DMD: variants seen among roughly 807,000 people sequenced by gnomAD.
DMD encodes dystrophin.
In DMD, 63 loss-of-function variants were observed where a neutral mutation model predicts 330.1. That is an observed-to-expected ratio of 0.19 (90% CI 0.16 to 0.24). The LOEUF (loss-of-function observed/expected upper bound fraction) is 0.24. Ranked by LOEUF, DMD falls within the 10% of genes least tolerant of loss-of-function variation. The pLI is 1.00. For missense variants in DMD, 3,344 were observed against 2,684.1 expected (o/e 1.25, Z -5.43); for synonymous variants, 1,223 against 959.8 (o/e 1.27, Z -5.07).
At chrX:31,624,883 A>C (rs1281025820) in intron 55 of DMD, among the ~76,000 whole-genome samples, 1 of 112,246 alleles carries the variant, frequency 8.9e-6, no homozygotes, top group Non-Finnish European at 1.9e-5. Context: ...AAACACTTCC[A>C]TTTAGCTGAA....
At chrX:31,278,454 G>A (rs1439694969) in intron 62 of DMD, among the ~76,000 whole-genome samples, 1 of 111,194 alleles carries the variant, frequency 9.0e-6, no homozygotes, top group Admixed American at 9.6e-5. Context: ...GATGCTGCAG[G>A]GGCTGAGAAT....
At chrX:33,053,143 TTTAA>T in intron 1 of DMD, among the ~76,000 whole-genome samples, 1 of 111,839 alleles carries the variant, frequency 8.9e-6, no homozygotes, top group East Asian at 2.8e-4. Flanking sequence ...TAATTACTCA[TTTAA>T]TTACTCACGT....
chrX:31,786,939 T>C (rs6527118), intron 50 of DMD, among the ~76,000 whole-genome samples: 2 of 111,898 alleles, frequency 1.8e-5, no homozygotes, highest in South Asian at 3.7e-4. Flanking sequence ...ACTTTCTGTG[T>C]GCAACTTTTT....
intron 44 of DMD, among the ~76,000 whole-genome samples, chrX:32,078,543 A>G (rs1329640201): frequency 3.6e-5 from 4 of 112,312 alleles, no homozygotes; most frequent in African/African-American, 1.3e-4. Flanking sequence ...GCCATTGCCT[A>G]CTTCTCCAAC....
chrX:33,230,012 G>T (rs1386527967), intron 1 of DMD, among the ~76,000 whole-genome samples: 5 of 111,984 alleles, frequency 4.5e-5, no homozygotes, highest in African/African-American at 1.6e-4. Flanking sequence ...ATGTGCTATT[G>T]TCTGCTATGC....
intron 50 of DMD, among the ~76,000 whole-genome samples, chrX:31,801,097 C>T (rs1249749907): frequency 9.0e-6 from 1 of 111,467 alleles, no homozygotes; most frequent in Non-Finnish European, 1.9e-5. Context: ...TGTATTAGTC[C>T]GTTCTCATGC....
rs554644862 is a variant in DMD, at chrX:32,390,247, G to A, written c.4234-66C>T. ...AGAACAACTAACTTTCCAAGAAGAC[G>A]AAATTCAGAAACTCTCCTCAACCAC... On this transcript the variant is annotated intron_variant, in intron 30 of 78. Coordinates refer to ENST00000357033, the MANE Select transcript of DMD (RefSeq NM_004006.3). The A allele has an allele frequency of 3.2e-5, 27 of 831,265 alleles. No homozygotes were observed. In the African/African-American group the frequency reaches 4.2e-4, roughly 13 times the overall value. The allele number at this position is 831,265 out of a possible 1,213,427, so 68.5% of individuals were successfully genotyped here. A position where few individuals can be genotyped will look rare whatever the true frequency, so the allele number is the denominator to read the frequency against.
At chrX:32,787,572 T>C (rs1052254140) in intron 7 of DMD, among the ~76,000 whole-genome samples, 1 of 111,217 alleles carries the variant, frequency 9.0e-6, no homozygotes, top group African/African-American at 3.3e-5. Flanking sequence ...CCCATACATA[T>C]ACATACCTAT....
At chrX:31,756,046 G>C (rs1262007516) in intron 51 of DMD, among the ~76,000 whole-genome samples, 1 of 111,582 alleles carries the variant, frequency 9.0e-6, no homozygotes, top group Non-Finnish European at 1.9e-5. Flanking sequence ...GCGAGAGATT[G>C]AGAGTAAGCC....
intron 1 of DMD, among the ~76,000 whole-genome samples, chrX:33,264,831 G>A (rs1481578937): frequency 6.3e-5 from 7 of 110,661 alleles, no homozygotes; most frequent in African/African-American, 2.3e-4. Flanking sequence ...TTGTGGGAGA[G>A]ATGCTGGACT....
intron 1 of DMD, among the ~76,000 whole-genome samples, chrX:33,024,612 T>A (rs2147791783): frequency 8.9e-6 from 1 of 112,288 alleles, no homozygotes; most frequent in Admixed American, 9.5e-5. Flanking sequence ...CCTTTCATAT[T>A]TTTTAAGATT....
rs1488812418 is a variant in DMD, at chrX:31,662,102, G to A, written c.7873-3958C>T. Among the ~76,000 whole-genome samples, 3 of 111,832 alleles carry A rather than the reference G, an allele frequency of 2.7e-5. No individual in the cohort carries two copies. In the Admixed American group the frequency reaches 2.9e-4, roughly 11 times the overall value. On this transcript the variant is annotated intron_variant, in intron 53 of 78. Transcript: ENST00000357033. ...GAGCCTGCTGGGTTTGAATCCTGGC[G>A]TGATCGCTTAGTGGCAAATGGGAGA...
At chrX:31,374,362 C>T (rs1421719718) in intron 60 of DMD, among the ~76,000 whole-genome samples, 1 of 107,413 alleles carries the variant, frequency 9.3e-6, no homozygotes, top group East Asian at 2.9e-4. Context: ...GCTATAAAGA[C>T]ACATGCACAC....
At chrX:33,097,516 T>C (rs911646952) in intron 1 of DMD, among the ~76,000 whole-genome samples, 1 of 110,547 alleles carries the variant, frequency 9.0e-6, no homozygotes, top group Non-Finnish European at 1.9e-5. Context: ...ATTGGGGTGG[T>C]AATTAGTTAT....
At chrX:32,282,216 C>T (rs762190870) in intron 43 of DMD, among the ~76,000 whole-genome samples, 56 of 111,654 alleles carry the variant, frequency 5.0e-4, no homozygotes, top group Non-Finnish European at 6.0e-4. Context: ...AAGAAACTAA[C>T]GACAATAGAG....
chrX:31,167,104 G>A (rs1055181294), intron 74 of DMD, among the ~76,000 whole-genome samples: 5 of 111,543 alleles, frequency 4.5e-5, no homozygotes, highest in Admixed American at 9.5e-5. Flanking sequence ...GGAATATGCC[G>A]CAATTCTATG....
intron 1 of DMD, among the ~76,000 whole-genome samples, chrX:33,158,190 T>C (rs1173563115): frequency 8.9e-6 from 1 of 112,022 alleles, no homozygotes; most frequent in Non-Finnish European, 1.9e-5. Context: ...ACATGCAGAA[T>C]TGTATATTTC....
At chrX:32,104,697 G>A (rs747636887) in intron 44 of DMD, among the ~76,000 whole-genome samples, 1 of 111,187 alleles carries the variant, frequency 9.0e-6, no homozygotes, top group Non-Finnish European at 1.9e-5. Context: ...TGTTTTCATG[G>A]CCACACCAGA....
At chrX:32,794,050 A>G (rs1047682492) in intron 7 of DMD, among the ~76,000 whole-genome samples, 1 of 112,040 alleles carries the variant, frequency 8.9e-6, no homozygotes, top group Non-Finnish European at 1.9e-5. Context: ...AATTTATCCC[A>G]ATGATACAAG....
Sources: allele counts gnomAD v4.1 joint callset (sites outside exome capture counted in the v4.1 genomes callset), GRCh38; gene constraint gnomAD v4.1.1; transcripts MANE v1.5; gene names NCBI Gene and HGNC (gene_info 2026-07-23, HGNC 2026-07-21).